LRRC56: variants seen among roughly 807,000 people sequenced by gnomAD.
The protein encoded by LRRC56 is leucine-rich repeat-containing protein 56.
Under a neutral mutation model 47.8 loss-of-function variants are expected in LRRC56, and 41 were observed. That is an observed-to-expected ratio of 0.86 (90% CI 0.67 to 1.11). LRRC56 has a LOEUF of 1.11. Among genes scored for constraint, LRRC56 ranks in the 50% most tolerant of loss-of-function variants. The pLI is 0.00. For missense variants in LRRC56, 759 were observed against 704.2 expected (o/e 1.08, Z -0.88); for synonymous variants, 387 against 311.2 (o/e 1.24, Z -2.56).
In LRRC56 at chr11:541,308, C is replaced by T. The variant is rs1186513202; in HGVS notation, c.178-229C>T. 6.6e-6 allele frequency among the ~76,000 whole-genome samples: 1 copy of T among 152,208 alleles called. No homozygotes were observed. Among genetic ancestry groups the T allele is most frequent in the Admixed American group, 6.5e-5 (1 of 15,286 alleles). The stretch of plus-strand genomic sequence containing the variant: ...GAGTCTCTCTGGAGACGGGCAGCCC[C>T]CAGGGCAGGTCCTTCTCCCGCAATG... On this transcript the variant is annotated intron_variant, in intron 4 of 13. Transcript: ENST00000270115. The surrounding 1 kb of genome is among the most constrained non-coding windows in gnomAD (Gnocchi z 4.1).
rs1011651455 is a variant in LRRC56 at position 551,578 on chromosome 11, T to C, written c.797-73T>C. 33 of 1,483,884 alleles carry C rather than the reference T, an allele frequency of 2.2e-5. No homozygotes were observed. In the African/African-American group the frequency reaches 4.2e-4, roughly 19 times the overall value. The allele number at this position is 1,483,884 out of a possible 1,614,324, so 91.9% of individuals were successfully genotyped here. A position where few individuals can be genotyped will look rare whatever the true frequency, so the allele number is the denominator to read the frequency against. On this transcript the variant is annotated intron_variant, in intron 9 of 13. Coordinates refer to ENST00000270115, the MANE Select transcript of LRRC56 (RefSeq NM_198075.4). ...CATGCAGCATGGGGATTGGGGCCCC[T>C]GGTCTGTGGACAGAGTCTGGGGGGC...
chr11:509,011 C>G, the LRRC56 span, among the ~76,000 whole-genome samples: 5 of 152,154 alleles, frequency 3.3e-5, no homozygotes, highest in African/African-American at 1.2e-4. Context: ...TGCCACTGTA[C>G]TCCAGCCTGG....
chr11:534,679 G>A (rs1851346180), upstream of LRRC56: 7 of 373,124 alleles, frequency 1.9e-5, no homozygotes, highest in South Asian at 9.1e-5. Context: ...TCGGCAGAAA[G>A]GCTAAAGGGA....
At chr11:543,966 T>C (rs1294669924) in intron 5 of LRRC56, among the ~76,000 whole-genome samples, 1 of 152,144 alleles carries the variant, frequency 6.6e-6, no homozygotes, top group Non-Finnish European at 1.5e-5. Flanking sequence ...ACCAGGATGG[T>C]CTCGATCTAC....
At chr11:527,706 T>TTTG in the LRRC56 span, among the ~76,000 whole-genome samples, 23 of 148,678 alleles carry the variant, frequency 1.5e-4, no homozygotes, top group African/African-American at 5.7e-4. Flanking sequence ...TAATTTTTTT[T>TTTG]TTTTTTTTTT....
chr11:534,775 C>T (rs1164549633), upstream of LRRC56, among the ~76,000 whole-genome samples: 3 of 152,244 alleles, frequency 2.0e-5, no homozygotes, highest in Non-Finnish European at 4.4e-5. Flanking sequence ...AGGCTAGTGC[C>T]AGCCTGCAGG....
the LRRC56 span, among the ~76,000 whole-genome samples, chr11:507,937 C>G: frequency 1.3e-5 from 2 of 152,246 alleles, no homozygotes; most frequent in Non-Finnish European, 2.9e-5. Context: ...CTGCCGACAC[C>G]CGAGCGTCGC....
chr11:551,996 G>A (rs374557277), intron 11 of LRRC56, 29 bp downstream of exon 11: 120 of 1,611,948 alleles, frequency 7.4e-5, no homozygotes, highest in Non-Finnish European at 9.0e-5. Context: ...AGCCCCCCAC[G>A]AGAACCAGTG....
chr11:553,410 T>G (rs553811243), intron 13 of LRRC56, among the ~76,000 whole-genome samples: 30 of 151,236 alleles, frequency 2.0e-4, no homozygotes, highest in Non-Finnish European at 1.9e-4. Context: ...TTCCATATGG[T>G]GGTGGGTGTC....
chr11:547,577 C>T (rs1198582511), intron 6 of LRRC56, among the ~76,000 whole-genome samples: 2 of 151,836 alleles, frequency 1.3e-5, no homozygotes, highest in Non-Finnish European at 2.9e-5. Context: ...TGGTCTCGAT[C>T]TCCTGACCTC....
chr11:506,758 C>T, the LRRC56 span: 1 of 152,306 alleles, frequency 6.6e-6, no homozygotes, highest in Non-Finnish European at 1.5e-5. Context: ...TTGCGTAGCT[C>T]GCTGGAATCT....
At position 544,614 on chromosome 11, in the gene LRRC56, C is replaced by T. The variant is rs1477659190; in HGVS notation, c.266-106C>T. 3.4e-6 allele frequency: 4 copies of T among 1,184,248 alleles called. No individual in the cohort carries two copies. In the African/African-American group the frequency reaches 4.5e-5, roughly 13 times the overall value. The allele number at this position is 1,184,248 out of a possible 1,614,324, so 73.4% of individuals were successfully genotyped here. The stretch of plus-strand genomic sequence containing the variant: ...TGGAGGGAGGCTTGTGAGGCTGGCC[C>T]ACGAGCAGTGAGGGGCCGGGGGTGC... On this transcript the variant is annotated intron_variant, in intron 5 of 13. Transcript: ENST00000270115.
chr11:542,595 A>AC (rs1408756151), intron 5 of LRRC56, among the ~76,000 whole-genome samples: 4 of 149,494 alleles, frequency 2.7e-5, no homozygotes, highest in Non-Finnish European at 5.9e-5. Flanking sequence ...AAAAAAAAAA[A>AC]AAAAAAAAAC....
chr11:545,523 G>A lies in LRRC56; in HGVS notation c.326+743G>A, dbSNP rs1187204038. ...ACCCAGACCAGACGGCAGCCCCCGG[G>A]AGAGGCACAGCAGAGCCTGTGTACA... On this transcript the variant is annotated intron_variant, in intron 6 of 13. Coordinates refer to ENST00000270115, the MANE Select transcript of LRRC56 (RefSeq NM_198075.4). Among the ~76,000 whole-genome samples the A allele has an allele frequency of 2.7e-5, 4 of 150,460 alleles. No homozygotes were observed. In the East Asian group the frequency reaches 7.7e-4, roughly 29 times the overall value.
the LRRC56 span, among the ~76,000 whole-genome samples, chr11:530,402 C>A: frequency 6.6e-6 from 1 of 152,036 alleles, no homozygotes; most frequent in Non-Finnish European, 1.5e-5. Context: ...CACTCGGAGG[C>A]TGCTGGGGAG....
chr11:552,871 G>A (rs1203063122), intron 13 of LRRC56, among the ~76,000 whole-genome samples, 169 bp downstream of exon 13: 1 of 152,202 alleles, frequency 6.6e-6, no homozygotes, highest in Non-Finnish European at 1.5e-5. Flanking sequence ...GGGGGCTCAC[G>A]ACCAAGGGAG....
At position 544,746 on chromosome 11, in the gene LRRC56, C is replaced by G; in HGVS notation, c.292C>G (p.Leu98Val). 1 of 1,612,500 alleles carries G rather than the reference C, an allele frequency of 6.2e-7. No homozygotes were observed. The highest frequency in any genetic ancestry group is 1.1e-5 in the South Asian group (1 of 91,068). ...FGVHLPNLDQ[L>V]KLNGSHLGSL... ...GGTGCACCTGCCCAACCTGGACCAACTGAAGCTGAACGGCAGCCACCTGGG... is the reference window on the plus strand; with the variant it reads ...GGTGCACCTGCCCAACCTGGACCAAGTGAAGCTGAACGGCAGCCACCTGGG... The change falls in exon 6 of 14, where the codon CTG (leucine) becomes GTG (valine). Residue 98 changes from leucine to valine, a missense_variant. Physicochemically the swap from Leu to Val is conservative, Grantham distance 32. Coordinates refer to ENST00000270115, the MANE Select transcript of LRRC56 (RefSeq NM_198075.4).
At chr11:510,808 C>T in the LRRC56 span, among the ~76,000 whole-genome samples, 1 of 152,018 alleles carries the variant, frequency 6.6e-6, no homozygotes, top group Non-Finnish European at 1.5e-5. Context: ...ACTTGGGAGG[C>T]TGAGGCAGGA....
the LRRC56 span, among the ~76,000 whole-genome samples, chr11:527,466 T>G: frequency 6.6e-6 from 1 of 152,122 alleles, no homozygotes. Context: ...TACTTTCTGC[T>G]TCTGAGTTTG....
Sources: allele counts gnomAD v4.1 joint callset (sites outside exome capture counted in the v4.1 genomes callset), GRCh38; gene constraint gnomAD v4.1.1; non-coding constraint Gnocchi (gnomAD v3.1); transcripts MANE v1.5; gene names NCBI Gene and HGNC (gene_info 2026-07-23, HGNC 2026-07-21).